Variants in SFT2D2 observed in about 807,000 individuals in gnomAD.
SFT2D2 encodes SFT2 domain containing 2.
In SFT2D2, 21 loss-of-function variants were observed where a neutral mutation model predicts 27.4. The ratio of observed to expected loss-of-function variants is 0.77; its 90% CI spans 0.54 to 1.10. The LOEUF is 1.10. Among genes scored for constraint, SFT2D2 ranks in the 50% least tolerant of loss-of-function variants. SFT2D2 has a pLI of 0.00. For missense variants in SFT2D2, 187 were observed against 194.2 expected, an observed-to-expected ratio of 0.96 and a Z score of 0.22; for synonymous variants, 72 against 71.7, an observed-to-expected ratio of 1.00 and a Z score of -0.02.
At chr1:168,231,393 T>C (rs1390480296) in intron 1 of SFT2D2, 121 bp from the exon 2 acceptor site, 1 of 754,688 alleles carries the variant, frequency 1.3e-6, no homozygotes, top group Non-Finnish European at 2.2e-6. Flanking sequence ...CGCCTGAGTG[T>C]GTAGGATTCT....
intron 1 of SFT2D2, 24 bp from the exon 2 acceptor site, chr1:168,231,490 G>GT (rs1211587668): frequency 6.4e-7 from 1 of 1,553,680 alleles, no homozygotes; most frequent in Non-Finnish European, 8.9e-7. Context: ...GTGTGTATAT[G>GT]TATTTTTTTT....
intron 6 of SFT2D2, 24 bp from the exon 7 acceptor site, chr1:168,239,107 C>A (rs747493031): frequency 6.3e-7 from 1 of 1,587,472 alleles, no homozygotes; most frequent in Non-Finnish European, 8.6e-7. Context: ...CTCATTTGAC[C>A]CTTTGTTTTG....
Position 168,236,745 on chromosome 1 carries a change from A to T in SFT2D2, c.388A>T (p.Ile130Phe). The change falls in exon 6 of 8, where the codon ATT becomes TTT. Residue 130 changes from isoleucine (I) to phenylalanine (F), a missense_variant. Ile to Phe is a conservative substitution (Grantham distance 21). Transcript: ENST00000271375. ...HNKGLALIFC[I>F]LQSLALTWYS... is the part of the protein sequence containing the mutation. ...CAAGGGACTTGCACTTATCTTCTGC[A>T]TTTTGCAGTCTTTGGCATTGACGTG... 6.2e-7 allele frequency: 1 copy of T among 1,614,188 alleles called. No homozygotes were observed. Among genetic ancestry groups the T allele is most frequent in the Non-Finnish European group, 8.5e-7 (1 of 1,180,036 alleles).
At chr1:168,241,304 C>T (rs1428680453) in intron 7 of SFT2D2, among the ~76,000 whole-genome samples, 2 of 146,762 alleles carry the variant, frequency 1.4e-5, no homozygotes, top group Non-Finnish European at 3.0e-5. Context: ...AACCTCCTGG[C>T]TTCAAGCTGT....
At position 168,246,609 on chromosome 1, in the gene SFT2D2, A is replaced by G. The variant is rs938742093; in HGVS notation, c.*4069A>G. On this transcript the variant is annotated 3_prime_UTR_variant, in exon 8 of 8. Coordinates refer to ENST00000271375, the MANE Select transcript of SFT2D2 (RefSeq NM_199344.3). Reference sequence around the variant, plus strand: ...AATTTTCCTGTAAATGACGCAATTTATCTACTGTGCCCTGGAAATCAAGCT... The same window carrying G: ...AATTTTCCTGTAAATGACGCAATTTGTCTACTGTGCCCTGGAAATCAAGCT... 6 of 1,473,944 alleles carry G rather than the reference A, an allele frequency of 4.1e-6. No individual in the cohort carries two copies. In the African/African-American group the frequency reaches 8.3e-5, roughly 20 times the overall value. The allele number at this position is 1,473,944 out of a possible 1,614,324, so 91.3% of individuals were successfully genotyped here.
chr1:168,229,966 C>G (rs772215791), intron 1 of SFT2D2, among the ~76,000 whole-genome samples: 1 of 152,136 alleles, frequency 6.6e-6, no homozygotes, highest in African/African-American at 2.4e-5. Context: ...AACACTGGGC[C>G]CCTGCTGTCT....
intron 4 of SFT2D2, among the ~76,000 whole-genome samples, chr1:168,235,873 A>G (rs920906066): frequency 6.6e-6 from 1 of 152,250 alleles, no homozygotes; most frequent in Non-Finnish European, 1.5e-5. Flanking sequence ...TTTCATTTAT[A>G]TAATCTCATT....
At chr1:168,235,040 A>G in intron 3 of SFT2D2, 61 bp from the exon 4 acceptor site, 1 of 1,441,726 alleles carries the variant, frequency 6.9e-7, no homozygotes, top group South Asian at 1.1e-5. Context: ...TGGGGAGGCG[A>G]CTCAGTGTGC....
intron 1 of SFT2D2, among the ~76,000 whole-genome samples, chr1:168,227,398 G>A (rs950835261): frequency 6.6e-6 from 1 of 152,110 alleles, no homozygotes; most frequent in South Asian, 2.1e-4. Context: ...TTTCACCCAC[G>A]TTTGTGGTTG....
rs1315788703 is a variant in SFT2D2, at chr1:168,242,576, A to G, written c.*36A>G. 5.6e-6 allele frequency: 9 copies of G among 1,613,576 alleles called. No individual in the cohort carries two copies. The highest frequency in any genetic ancestry group is 2.2e-5 in the East Asian group (1 of 44,884). On this transcript the variant is annotated 3_prime_UTR_variant, in exon 8 of 8. Transcript: ENST00000271375. ...GTTTTATGAAGCTTTGGAAGGCACT[A>G]TGGACAGAAGCTGGTGGACAGTTTT...
Position 168,246,422 on chromosome 1 carries a change from C to T in SFT2D2, c.*3882C>T. On this transcript the variant is annotated 3_prime_UTR_variant, in exon 8 of 8. Coordinates refer to ENST00000271375, the MANE Select transcript of SFT2D2 (RefSeq NM_199344.3). ...CACTTGTGTACATTTTTTCAATGTC[C>T]TTCATTTGACACCGTTTGGTTTAGC... 1.0e-6 allele frequency: 1 copy of T among 972,308 alleles called. No homozygotes were observed. Among genetic ancestry groups the T allele is most frequent in the Non-Finnish European group, 1.4e-6 (1 of 694,642 alleles). 60.2% of individuals were successfully genotyped at this position (972,308 alleles called of 1,614,324 possible). A position where few individuals can be genotyped will look rare whatever the true frequency, so the allele number is the denominator to read the frequency against.
At chr1:168,232,844 C>T (rs528508291) in intron 3 of SFT2D2, among the ~76,000 whole-genome samples, 4 of 152,334 alleles carry the variant, frequency 2.6e-5, no homozygotes, top group Non-Finnish European at 4.4e-5. Flanking sequence ...GCAGCCGACA[C>T]GACCTGAGTC....
chr1:168,229,914 T>C (rs1202046640), intron 1 of SFT2D2, among the ~76,000 whole-genome samples: 1 of 151,960 alleles, frequency 6.6e-6, no homozygotes. Context: ...CCAGGAGAGG[T>C]TTACCTCAGC....
At chr1:168,240,993 C>T (rs1647630764) in intron 7 of SFT2D2, among the ~76,000 whole-genome samples, 1 of 152,106 alleles carries the variant, frequency 6.6e-6, no homozygotes, top group South Asian at 2.1e-4. Context: ...AGTATGGGGC[C>T]AATGCAGTTG....
At chr1:168,226,719 G>GACCAC (rs1047418114) in intron 1 of SFT2D2, among the ~76,000 whole-genome samples, 92 of 152,320 alleles carry the variant, frequency 6.0e-4, no homozygotes, top group African/African-American at 2.2e-3. Context: ...TGAGGACAGG[G>GACCAC]ACCACATCTT....
At chr1:168,229,828 C>G (rs1700495312) in intron 1 of SFT2D2, 1 of 152,080 alleles carries the variant, frequency 6.6e-6, no homozygotes. Flanking sequence ...TGTCTGGGGC[C>G]TTGTAAAGCC....
intron 3 of SFT2D2, among the ~76,000 whole-genome samples, chr1:168,234,874 T>A (rs568921772): frequency 6.6e-6 from 1 of 152,332 alleles, no homozygotes; most frequent in East Asian, 1.9e-4. Context: ...TTGGGTGGCC[T>A]TGGATAAAGT....
chr1:168,226,058 A>T lies in SFT2D2; in HGVS notation c.-22A>T. 6.6e-7 allele frequency: 1 copy of T among 1,506,982 alleles called. No individual in the cohort carries two copies. Among genetic ancestry groups the T allele is most frequent in the Non-Finnish European group, 8.9e-7 (1 of 1,125,074 alleles). 93.4% of individuals were successfully genotyped at this position (1,506,982 alleles called of 1,614,324 possible). ...CAACAGGCTGCCGCTGAGGAGCTGGAGCTGGTGGGGACTGGGCCGCAATGG... is the reference window on the plus strand; with the variant it reads ...CAACAGGCTGCCGCTGAGGAGCTGGTGCTGGTGGGGACTGGGCCGCAATGG... On this transcript the variant is annotated 5_prime_UTR_variant, in exon 1 of 8. Transcript: ENST00000271375.
chr1:168,239,694 T>C (rs1647593489), intron 7 of SFT2D2, among the ~76,000 whole-genome samples: 1 of 152,062 alleles, frequency 6.6e-6, no homozygotes, highest in African/African-American at 2.4e-5. Flanking sequence ...GTCTAGATCA[T>C]CTCCAGAGGC....
Sources: gnomAD v4.1 joint callset for allele counts (sites outside exome capture counted in the v4.1 genomes callset) on GRCh38, gnomAD v4.1.1 for gene constraint, MANE v1.5 for transcripts, NCBI Gene and HGNC (gene_info 2026-07-23, HGNC 2026-07-21) for gene names.